The following HECA variants were observed in gnomAD, a reference collection of about 807,000 sequenced individuals.
HECA encodes the protein HECA ribonucleoprotein granule regulator.
HECA carries 13 observed loss-of-function variants against 37.6 expected under a neutral mutation model. The observed-to-expected ratio is 0.35, with a 90% CI of 0.23 to 0.55. The LOEUF is 0.55. Ranked by LOEUF, HECA falls within the 20% of genes least tolerant of loss-of-function variation. The pLI, the probability that HECA is intolerant of heterozygous loss-of-function variation, is 0.90. For synonymous variants in HECA, 307 were observed against 291.5 expected (o/e 1.05, Z -0.54); for missense variants, 527 against 701.9 (o/e 0.75, Z 2.82).
intron 2 of HECA, among the ~76,000 whole-genome samples, chr6:139,168,384 T>C (rs902641072): frequency 2.6e-5 from 4 of 151,540 alleles, no homozygotes; most frequent in African/African-American, 9.7e-5. Flanking sequence ...TAGGACTCCT[T>C]TTGTTTTTAT....
At chr6:139,148,501 C>T (rs1479135520) in intron 1 of HECA, among the ~76,000 whole-genome samples, 3 of 152,178 alleles carry the variant, frequency 2.0e-5, no homozygotes, top group Non-Finnish European at 2.9e-5. Context: ...TGGTGGCTTA[C>T]GCCTGTAATC....
intron 2 of HECA, among the ~76,000 whole-genome samples, chr6:139,171,178 CAG>C (rs1200880107): frequency 6.6e-6 from 1 of 151,690 alleles, no homozygotes; most frequent in Non-Finnish European, 1.5e-5. Context: ...GAGTTTATAA[CAG>C]TGGTGGTTAA....
chr6:139,158,116 G>GGAGGCC (rs1774742269), intron 1 of HECA, among the ~76,000 whole-genome samples: 2 of 152,164 alleles, frequency 1.3e-5, no homozygotes, highest in Admixed American at 1.3e-4. Context: ...CAGCACTTTG[G>GGAGGCC]GAGGCTAAGG....
At chr6:139,140,817 G>C (rs188796663) in intron 1 of HECA, among the ~76,000 whole-genome samples, 209 of 152,164 alleles carry the variant, frequency 1.4e-3, no homozygotes, top group Non-Finnish European at 2.3e-3. Context: ...TTGAGATGGA[G>C]TCTCGCTCTG....
chr6:139,157,516 C>T (rs1224540047), intron 1 of HECA, among the ~76,000 whole-genome samples: 1 of 152,160 alleles, frequency 6.6e-6, no homozygotes, highest in East Asian at 1.9e-4. Context: ...TTGAAGGTCT[C>T]CTTTTCCTTC....
intron 1 of HECA, among the ~76,000 whole-genome samples, chr6:139,163,207 G>A (rs1048290383): frequency 3.3e-5 from 5 of 152,178 alleles, no homozygotes; most frequent in African/African-American, 9.7e-5. Flanking sequence ...TGGCCTCTAC[G>A]GGATGGACAG....
At chr6:139,143,376 G>A (rs9321703) in intron 1 of HECA, among the ~76,000 whole-genome samples, 10 of 152,162 alleles carry the variant, frequency 6.6e-5, no homozygotes, top group Non-Finnish European at 1.5e-4. Context: ...CAGACACTGA[G>A]AGACATTAAT....
chr6:139,138,959 G>A (rs939402404), intron 1 of HECA, among the ~76,000 whole-genome samples: 10 of 152,172 alleles, frequency 6.6e-5, no homozygotes, highest in Admixed American at 4.6e-4. Context: ...AGGTAGATAC[G>A]TAGTTTCATT....
chr6:139,167,437 G>C (rs1271187531), intron 2 of HECA, 113 bp downstream of exon 2: 4 of 887,348 alleles, frequency 4.5e-6, no homozygotes, highest in Non-Finnish European at 5.1e-6. Context: ...TTTTGTTCTA[G>C]TCAGGTGCTA....
At chr6:139,170,312 TCTTG>T (rs757385214) in intron 2 of HECA, 2 of 152,246 alleles carry the variant, frequency 1.3e-5, no homozygotes, top group Non-Finnish European at 2.9e-5. Flanking sequence ...TACTATCAGT[TCTTG>T]CTTGTCATCA....
At chr6:139,141,778 G>C (rs1774516053) in intron 1 of HECA, among the ~76,000 whole-genome samples, 1 of 143,550 alleles carries the variant, frequency 7.0e-6, no homozygotes, top group African/African-American at 2.6e-5. Context: ...TTTTGAGACA[G>C]AGTCTCACTA....
intron 3 of HECA, 99 bp downstream of exon 3, chr6:139,174,638 G>T: frequency 1.3e-6 from 2 of 1,508,786 alleles, no homozygotes; most frequent in Non-Finnish European, 8.9e-7. Context: ...AAGAAATTCA[G>T]TCCAGCAATG....
intron 1 of HECA, among the ~76,000 whole-genome samples, chr6:139,140,779 A>G (rs148785986): frequency 1.3e-5 from 2 of 152,328 alleles, no homozygotes; most frequent in Non-Finnish European, 2.9e-5. Flanking sequence ...ACTGATTTTG[A>G]TCAGCAACTC....
chr6:139,164,080 A>ACTCTCTCTCTCTCTCT (rs71549028), intron 1 of HECA, among the ~76,000 whole-genome samples: 4 of 148,172 alleles, frequency 2.7e-5, no homozygotes, highest in South Asian at 2.1e-4. Context: ...ACACACACAC[A>ACTCTCTCTCTCTCTCT]CTCTCTCTCT....
At chr6:139,136,420 A>G (rs1227286070) in intron 1 of HECA, among the ~76,000 whole-genome samples, 1 of 152,110 alleles carries the variant, frequency 6.6e-6, no homozygotes, top group Non-Finnish European at 1.5e-5. Flanking sequence ...ATGTGACAGG[A>G]TTTCTGTTCT....
intron 2 of HECA, among the ~76,000 whole-genome samples, chr6:139,171,891 G>A (rs1018413236): frequency 1.3e-5 from 2 of 151,700 alleles, no homozygotes; most frequent in Admixed American, 1.3e-4. Context: ...GAGTGCAATG[G>A]TGCTATCTCG....
chr6:139,141,012 G>T (rs1405315900), intron 1 of HECA, among the ~76,000 whole-genome samples: 5 of 152,148 alleles, frequency 3.3e-5, no homozygotes, highest in Non-Finnish European at 7.3e-5. Flanking sequence ...GGATGGTCTT[G>T]ATCTCCTGAC....
chr6:139,137,148 C>A (rs946608507), intron 1 of HECA, among the ~76,000 whole-genome samples: 2 of 152,260 alleles, frequency 1.3e-5, no homozygotes, highest in African/African-American at 4.8e-5. Flanking sequence ...CTGTGTTCTT[C>A]ATGTTCTTTT....
At chr6:139,169,377 A>C (rs968352785) in intron 2 of HECA, among the ~76,000 whole-genome samples, 1 of 152,000 alleles carries the variant, frequency 6.6e-6, no homozygotes, top group Admixed American at 6.6e-5. Context: ...CGGAGTTACA[A>C]ATTTTCTGTT....
Sources: gnomAD v4.1 joint callset for allele counts (sites outside exome capture counted in the v4.1 genomes callset) on GRCh38, gnomAD v4.1.1 for gene constraint, MANE v1.5 for transcripts, NCBI Gene and HGNC (gene_info 2026-07-23, HGNC 2026-07-21) for gene names.